DOCK3: variants seen among roughly 807,000 people sequenced by gnomAD.
DOCK3 encodes the protein dedicator of cytokinesis protein 3.
Under a neutral mutation model 265.6 loss-of-function variants are expected in DOCK3, and 60 were observed. The observed-to-expected ratio is 0.23, with a 90% CI of 0.18 to 0.28. DOCK3 has a LOEUF of 0.28. Among genes scored for constraint, DOCK3 ranks in the 10% least tolerant of loss-of-function variants. The pLI is 1.00. For synonymous variants in DOCK3, 881 were observed against 938.0 expected, an observed-to-expected ratio of 0.94 and a Z score of 1.11; for missense variants, 1,981 against 2,594.3, an observed-to-expected ratio of 0.76 and a Z score of 5.14.
At chr3:51,306,011 CT>C (rs1208205652) in intron 27 of DOCK3, among the ~76,000 whole-genome samples, 53 of 136,574 alleles carry the variant, frequency 3.9e-4, no homozygotes, top group East Asian at 8.5e-4. Context: ...GCTAGTTTTT[CT>C]TTTTTTTTTT....
chr3:51,174,386 T>G (rs72948197), intron 12 of DOCK3, among the ~76,000 whole-genome samples: 11,152 of 152,254 alleles, frequency 0.073, 1,005 homozygotes, highest in East Asian at 0.32. Flanking sequence ...TGAGAATCAC[T>G]TGAACGCAGG....
chr3:51,381,964 A>G lies in DOCK3; in HGVS notation c.*405A>G, dbSNP rs2088680574. On this transcript the variant is annotated 3_prime_UTR_variant, in exon 53 of 53. Transcript: ENST00000266037. The surrounding 1 kb of genome is among the most constrained non-coding windows in gnomAD (Gnocchi z 5.6). Reference sequence around the variant, plus strand: ...CCAGGGTAGAGATGCACCGAATGGAAATTGCACTAAGGACCTCTTCCTTTG... The same window carrying G: ...CCAGGGTAGAGATGCACCGAATGGAGATTGCACTAAGGACCTCTTCCTTTG... 1 of 168,638 alleles carries G rather than the reference A, an allele frequency of 5.9e-6. No homozygotes were observed. The allele number at this position is 168,638 out of a possible 1,614,324, so 10.4% of individuals were successfully genotyped here.
intron 21 of DOCK3, among the ~76,000 whole-genome samples, chr3:51,241,362 T>C (rs965853680): frequency 6.6e-6 from 1 of 152,190 alleles, no homozygotes; most frequent in African/African-American, 2.4e-5. Flanking sequence ...ATTTTTTCTT[T>C]CATTTTGACC....
chr3:51,245,206 C>G (rs2078773180), intron 21 of DOCK3, among the ~76,000 whole-genome samples: 1 of 151,916 alleles, frequency 6.6e-6, no homozygotes, highest in Non-Finnish European at 1.5e-5. Flanking sequence ...CTGCATCCTC[C>G]CCTTCCTGTA....
intron 5 of DOCK3, among the ~76,000 whole-genome samples, chr3:51,032,379 A>G: frequency 6.6e-6 from 1 of 152,166 alleles, no homozygotes; most frequent in South Asian, 2.1e-4. Flanking sequence ...TTTTTTATTG[A>G]GAAATAATTT....
At chr3:50,764,705 T>G (rs185722371) in intron 1 of DOCK3, among the ~76,000 whole-genome samples, 1 of 152,056 alleles carries the variant, frequency 6.6e-6, no homozygotes, top group African/African-American at 2.4e-5. Flanking sequence ...GCTGCTTGGG[T>G]GAGGGGGTGA....
In DOCK3 at chr3:51,179,653, A is replaced by G. The variant is rs113230651; in HGVS notation, c.1037+18951A>G. Among the ~76,000 whole-genome samples, 42 of 152,310 alleles carry G rather than the reference A, an allele frequency of 2.8e-4. No individual in the cohort carries two copies. The Middle Eastern group carries it at 0.01, about 37-fold the overall frequency. On this transcript the variant is annotated intron_variant, in intron 12 of 52. Transcript: ENST00000266037. The stretch of plus-strand genomic sequence containing the variant: ...GATAAAAGTGCCACCTTTGCCTGTA[A>G]TACCAGCACTTTGGGAAGCCAAGGG...
chr3:51,038,171 A>G (rs1171846056), intron 5 of DOCK3, among the ~76,000 whole-genome samples: 1 of 152,190 alleles, frequency 6.6e-6, no homozygotes, highest in Non-Finnish European at 1.5e-5. Flanking sequence ...AGCCCTATTA[A>G]TCTGGCCAAC....
At chr3:50,984,759 A>G (rs1475459756) in intron 5 of DOCK3, among the ~76,000 whole-genome samples, 1 of 152,246 alleles carries the variant, frequency 6.6e-6, no homozygotes. Context: ...CTGAGGATTC[A>G]GCTGACCACG....
chr3:50,919,883 G>C (rs1575531726), intron 4 of DOCK3, among the ~76,000 whole-genome samples: 1 of 152,034 alleles, frequency 6.6e-6, no homozygotes. Flanking sequence ...ATTGGCTGTG[G>C]GTTTGTCATA....
intron 1 of DOCK3, among the ~76,000 whole-genome samples, chr3:50,729,688 A>G (rs1385434753): frequency 6.6e-6 from 1 of 151,788 alleles, no homozygotes; most frequent in African/African-American, 2.4e-5. Context: ...ATACCAGACT[A>G]ATTAATTTTT....
chr3:50,772,051 T>C (rs1368721417), intron 1 of DOCK3, among the ~76,000 whole-genome samples: 2 of 152,208 alleles, frequency 1.3e-5, no homozygotes, highest in African/African-American at 4.8e-5. Flanking sequence ...TAAGCATCCA[T>C]GAACAGATGA....
intron 23 of DOCK3, among the ~76,000 whole-genome samples, chr3:51,270,073 A>G (rs557591779): frequency 6.6e-6 from 1 of 152,288 alleles, no homozygotes; most frequent in Non-Finnish European, 1.5e-5. Context: ...AAACTACCTT[A>G]TGGTCTGCCA....
chr3:50,706,150 C>T (rs2036401119), intron 1 of DOCK3, among the ~76,000 whole-genome samples: 1 of 152,168 alleles, frequency 6.6e-6, no homozygotes, highest in Non-Finnish European at 1.5e-5. Flanking sequence ...GAGGCCTCCC[C>T]ATCCATATGG....
intron 9 of DOCK3, among the ~76,000 whole-genome samples, chr3:51,108,686 G>A (rs950362717): frequency 3.3e-5 from 5 of 152,176 alleles, no homozygotes; most frequent in African/African-American, 1.2e-4. Flanking sequence ...TAAAGGGATG[G>A]AGAAAAATCT....
intron 1 of DOCK3, among the ~76,000 whole-genome samples, chr3:50,685,272 G>A (rs553751500): frequency 2.6e-5 from 4 of 152,198 alleles, no homozygotes; most frequent in Admixed American, 1.3e-4. Context: ...GACAGTGAGG[G>A]TACTTGTTTT....
intron 49 of DOCK3, among the ~76,000 whole-genome samples, chr3:51,366,262 A>C (rs1201395749): frequency 6.6e-6 from 1 of 152,050 alleles, no homozygotes; most frequent in South Asian, 2.1e-4. Flanking sequence ...TAGATTTTCT[A>C]GTTTGTTTGC....
At chr3:51,228,483 A>G (rs1161435363) in intron 17 of DOCK3, among the ~76,000 whole-genome samples, 178 bp from the exon 18 acceptor site, 4 of 152,176 alleles carry the variant, frequency 2.6e-5, no homozygotes, top group Non-Finnish European at 5.9e-5. Flanking sequence ...TTCTGTTTAA[A>G]AGGCACATGA....
At chr3:50,824,091 TGA>T (rs1416462944) in intron 2 of DOCK3, among the ~76,000 whole-genome samples, 2 of 152,202 alleles carry the variant, frequency 1.3e-5, no homozygotes, top group African/African-American at 4.8e-5. Flanking sequence ...GAAAGACCAC[TGA>T]GAGTCTAGAC....
Sources: gnomAD v4.1 joint callset for allele counts (sites outside exome capture counted in the v4.1 genomes callset) on GRCh38, gnomAD v4.1.1 for gene constraint, Gnocchi (gnomAD v3.1) non-coding constraint, MANE v1.5 for transcripts, NCBI Gene and HGNC (gene_info 2026-07-23, HGNC 2026-07-21) for gene names.